The following DLGAP2 variants were observed in gnomAD, a reference collection of about 807,000 sequenced individuals.
DLGAP2 encodes the protein disks large-associated protein 2.
DLGAP2 carries 26 observed loss-of-function variants against 100.3 expected under a neutral mutation model. The ratio of observed to expected loss-of-function variants is 0.26; its 90% CI spans 0.19 to 0.36. DLGAP2 has a LOEUF of 0.36. Among genes scored for constraint, DLGAP2 ranks in the 10% least tolerant of loss-of-function variants. The pLI, the probability that DLGAP2 is intolerant of heterozygous loss-of-function variation, is 1.00. For missense variants in DLGAP2, 1,858 were observed against 1,453.2 expected, an observed-to-expected ratio of 1.28 and a Z score of -4.53; for synonymous variants, 886 against 630.1, an observed-to-expected ratio of 1.41 and a Z score of -6.08.
chr8:1,596,513 T>A (rs1235102061), intron 6 of DLGAP2, among the ~76,000 whole-genome samples: 1 of 152,214 alleles, frequency 6.6e-6, no homozygotes, highest in East Asian at 1.9e-4. Context: ...TTCCTATTTT[T>A]CCTTATCATC....
At chr8:758,666 A>G (rs543919751) in intron 1 of DLGAP2, among the ~76,000 whole-genome samples, 4 of 152,086 alleles carry the variant, frequency 2.6e-5, no homozygotes, top group Non-Finnish European at 4.4e-5. Flanking sequence ...GGCTCAGGTG[A>G]TTCTCCCACC....
chr8:875,096 T>G (rs1378517221), intron 1 of DLGAP2, among the ~76,000 whole-genome samples: 1 of 152,228 alleles, frequency 6.6e-6, no homozygotes, highest in Non-Finnish European at 1.5e-5. Flanking sequence ...TAGCATAATA[T>G]ATTTTTCTAT....
At chr8:1,517,821 A>G (rs1005962747) in intron 4 of DLGAP2, among the ~76,000 whole-genome samples, 2 of 152,228 alleles carry the variant, frequency 1.3e-5, no homozygotes, top group African/African-American at 4.8e-5. Flanking sequence ...TATTTTCCAA[A>G]AACAAGACAT....
intron 3 of DLGAP2, among the ~76,000 whole-genome samples, chr8:1,294,146 T>C (rs1800119628): frequency 6.6e-6 from 1 of 152,148 alleles, no homozygotes; most frequent in African/African-American, 2.4e-5. Context: ...CTCCCGAAAC[T>C]GTATGGAGGA....
intron 2 of DLGAP2, among the ~76,000 whole-genome samples, chr8:1,237,119 T>C (rs1362382753): frequency 1.6e-4 from 5 of 30,424 alleles, no homozygotes; most frequent in African/African-American, 4.9e-4. Flanking sequence ...TGCCTAGTTC[T>C]GTCTCACATG....
intron 3 of DLGAP2, among the ~76,000 whole-genome samples, chr8:1,426,413 G>T (rs1477544638): frequency 3.9e-5 from 6 of 152,168 alleles, no homozygotes; most frequent in Admixed American, 3.3e-4. Flanking sequence ...GCATGAAGCA[G>T]GAGCCCAGAG....
At chr8:1,298,735 G>C (rs1219314494) in intron 3 of DLGAP2, among the ~76,000 whole-genome samples, 2 of 152,180 alleles carry the variant, frequency 1.3e-5, no homozygotes, top group Non-Finnish European at 1.5e-5. Context: ...ATGTCAAAAG[G>C]GCAAGACAAT....
intron 2 of DLGAP2, among the ~76,000 whole-genome samples, chr8:919,663 C>G (rs1400015268): frequency 6.6e-6 from 1 of 152,198 alleles, no homozygotes; most frequent in Non-Finnish European, 1.5e-5. Flanking sequence ...CGAGAAGCAG[C>G]AAGTCCCTGG....
intron 4 of DLGAP2, among the ~76,000 whole-genome samples, chr8:1,528,973 T>A (rs1439811318): frequency 3.9e-5 from 6 of 152,240 alleles, no homozygotes; most frequent in Non-Finnish European, 8.8e-5. Context: ...CCTAAAATGT[T>A]CACGTGATAT....
intron 2 of DLGAP2, among the ~76,000 whole-genome samples, chr8:1,224,824 G>A (rs1442112161): frequency 6.6e-6 from 1 of 152,228 alleles, no homozygotes; most frequent in Non-Finnish European, 1.5e-5. Flanking sequence ...CAACAAGCAC[G>A]TGATAAGATG....
chr8:1,435,380 A>G (rs932128878), intron 3 of DLGAP2, among the ~76,000 whole-genome samples: 2 of 152,140 alleles, frequency 1.3e-5, no homozygotes, highest in African/African-American at 2.4e-5. Context: ...TCAAAGACAA[A>G]CTGCAGGTGC....
intron 2 of DLGAP2, among the ~76,000 whole-genome samples, chr8:1,063,607 A>G (rs780885039): frequency 2.6e-5 from 4 of 151,980 alleles, no homozygotes; most frequent in Admixed American, 6.5e-5. Context: ...TTTCTGATGA[A>G]ATAGAATGTC....
Position 983,232 on chromosome 8 carries a change from C to G in DLGAP2, c.73+75266C>G, listed in dbSNP as rs766174078. ...CGTGTTGGTGGAAGGTACAGGTCCT[C>G]GAGATGTTCTTGTGTCCCTTAGAAT... On this transcript the variant is annotated intron_variant, in intron 2 of 14. Transcript: ENST00000637795. 3.4e-4 allele frequency among the ~76,000 whole-genome samples: 51 copies of G among 151,832 alleles called. 1 individual carries two copies. The highest frequency in any genetic ancestry group is 3.3e-3 in the Admixed American group (50 of 15,246).
At chr8:878,954 G>A (rs908711861) in intron 1 of DLGAP2, among the ~76,000 whole-genome samples, 2 of 152,274 alleles carry the variant, frequency 1.3e-5, no homozygotes, top group African/African-American at 4.8e-5. Context: ...ACACAAAAGG[G>A]ACTAAGACAG....
chr8:1,020,134 T>C (rs1801587500), intron 2 of DLGAP2, among the ~76,000 whole-genome samples: 1 of 152,240 alleles, frequency 6.6e-6, no homozygotes, highest in Non-Finnish European at 1.5e-5. Context: ...ATTATTCAAG[T>C]ATCCATACAG....
intron 3 of DLGAP2, among the ~76,000 whole-genome samples, chr8:1,432,234 G>A (rs1451029260): frequency 1.3e-5 from 2 of 152,252 alleles, no homozygotes; most frequent in Non-Finnish European, 2.9e-5. Flanking sequence ...TGGCTAAGAT[G>A]AAGATTGCAG....
intron 2 of DLGAP2, among the ~76,000 whole-genome samples, chr8:916,262 A>C (rs1798591524): frequency 6.6e-6 from 1 of 152,258 alleles, no homozygotes; most frequent in Non-Finnish European, 1.5e-5. Flanking sequence ...ACAAAACCCA[A>C]GGTTGACACC....
At chr8:836,461 T>G (rs955659154) in intron 1 of DLGAP2, among the ~76,000 whole-genome samples, 6 of 152,048 alleles carry the variant, frequency 3.9e-5, no homozygotes, top group Admixed American at 3.9e-4. Flanking sequence ...AGGGATGGGG[T>G]CCGAGGGCTC....
At chr8:1,115,315 G>C (rs1473694716) in intron 2 of DLGAP2, among the ~76,000 whole-genome samples, 3 of 152,130 alleles carry the variant, frequency 2.0e-5, no homozygotes, top group African/African-American at 7.2e-5. Context: ...TTATTGTGTG[G>C]GAGTCTTTTT....
Sources: gnomAD v4.1 joint callset for allele counts (sites outside exome capture counted in the v4.1 genomes callset) on GRCh38, gnomAD v4.1.1 for gene constraint, MANE v1.5 for transcripts, NCBI Gene and HGNC (gene_info 2026-07-23, HGNC 2026-07-21) for gene names.